The following DNM3 variants were observed in gnomAD, a reference collection of about 807,000 sequenced individuals.
DNM3 encodes the protein dynamin 3, also known as dynamin-3.
DNM3 carries 47 observed loss-of-function variants against 101.6 expected under a neutral mutation model. The observed-to-expected ratio is 0.46, with a 90% confidence interval of 0.37 to 0.59. DNM3 has a LOEUF of 0.59. DNM3 is among the 20% of genes least tolerant of loss of function. The pLI is 0.00. For missense variants in DNM3, 849 were observed against 1,085.7 expected, an observed-to-expected ratio of 0.78 and a Z score of 3.06; for synonymous variants, 385 against 387.9, an observed-to-expected ratio of 0.99 and a Z score of 0.09.
intron 17 of DNM3, among the ~76,000 whole-genome samples, chr1:172,360,996 A>T (rs1380465796): frequency 6.6e-6 from 1 of 152,028 alleles, no homozygotes; most frequent in Non-Finnish European, 1.5e-5. Context: ...ACAAATGGCT[A>T]CTAAGAAAAC....
intron 13 of DNM3, among the ~76,000 whole-genome samples, chr1:172,114,642 T>C (rs572526840): frequency 3.9e-5 from 6 of 152,280 alleles, no homozygotes; most frequent in South Asian, 2.1e-4. Flanking sequence ...TATTCTGGAG[T>C]AATGGTTACA....
intron 17 of DNM3, among the ~76,000 whole-genome samples, chr1:172,331,050 G>T (rs2066161466): frequency 6.6e-6 from 1 of 152,052 alleles, no homozygotes; most frequent in Admixed American, 6.6e-5. Context: ...ACTATATTAG[G>T]AGTCTCCAAA....
intron 1 of DNM3, 58 bp from the exon 2 acceptor site, chr1:171,921,690 A>T (rs377009983): frequency 1.4e-6 from 2 of 1,424,938 alleles, no homozygotes; most frequent in Non-Finnish European, 1.9e-6. Flanking sequence ...TTGGTTTATG[A>T]ATGTACAGGT....
At chr1:172,000,872 C>T (rs1042091408) in intron 4 of DNM3, among the ~76,000 whole-genome samples, 2 of 151,902 alleles carry the variant, frequency 1.3e-5, no homozygotes, top group African/African-American at 4.8e-5. Flanking sequence ...GAAACACTAA[C>T]AATAGTAGTG....
intron 17 of DNM3, among the ~76,000 whole-genome samples, chr1:172,363,476 C>T (rs1361022017): frequency 6.6e-6 from 1 of 152,024 alleles, no homozygotes; most frequent in Non-Finnish European, 1.5e-5. Flanking sequence ...CAATCTGTCA[C>T]AATTTTCCAA....
At chr1:172,020,094 G>T (rs906215116) in intron 4 of DNM3, among the ~76,000 whole-genome samples, 3 of 152,096 alleles carry the variant, frequency 2.0e-5, no homozygotes, top group Non-Finnish European at 2.9e-5. Flanking sequence ...TGGGTACAAG[G>T]CATTGTGGTT....
intron 14 of DNM3, among the ~76,000 whole-genome samples, chr1:172,171,101 T>C (rs1461122284): frequency 2.0e-5 from 3 of 151,744 alleles, no homozygotes; most frequent in Non-Finnish European, 4.4e-5. Context: ...TGATTAGTTT[T>C]GTGCCTCAAA....
chr1:171,894,836 T>G (rs940103043), intron 1 of DNM3, among the ~76,000 whole-genome samples: 3 of 152,048 alleles, frequency 2.0e-5, no homozygotes, highest in Admixed American at 1.3e-4. Flanking sequence ...GAACATGCAG[T>G]GTTTGGTTTT....
chr1:172,221,913 A>T (rs1368170709), intron 14 of DNM3, among the ~76,000 whole-genome samples: 1 of 152,148 alleles, frequency 6.6e-6, no homozygotes, highest in Non-Finnish European at 1.5e-5. Flanking sequence ...AAGACTTTGT[A>T]GGGTTTGTTC....
intron 15 of DNM3, among the ~76,000 whole-genome samples, chr1:172,288,397 C>T (rs1014184951): frequency 1.3e-5 from 2 of 152,124 alleles, no homozygotes; most frequent in Non-Finnish European, 2.9e-5. Context: ...ATAGCTGGAG[C>T]CTGATGGGCA....
chr1:171,949,786 A>T (rs75902162), intron 2 of DNM3, among the ~76,000 whole-genome samples: 2,925 of 152,272 alleles, frequency 0.019, 92 homozygotes, highest in African/African-American at 0.065. Flanking sequence ...CAAAGTGTTG[A>T]CTAGGATGCG....
chr1:171,884,590 A>C (rs1028585096), intron 1 of DNM3, among the ~76,000 whole-genome samples: 8 of 152,294 alleles, frequency 5.3e-5, no homozygotes, highest in African/African-American at 1.9e-4. Flanking sequence ...TGGAATCAGC[A>C]GGTTGGTCTG....
intron 1 of DNM3, chr1:171,864,783 T>C (rs1199965963): frequency 6.6e-6 from 1 of 152,206 alleles, no homozygotes; most frequent in Non-Finnish European, 1.5e-5. Flanking sequence ...TGTTTTATTA[T>C]TGATTTACAT....
intron 2 of DNM3, among the ~76,000 whole-genome samples, chr1:171,932,664 C>T (rs1027199270): frequency 2.6e-5 from 4 of 151,978 alleles, no homozygotes; most frequent in East Asian, 1.9e-4. Flanking sequence ...TCTTAAAAGC[C>T]GTTGCATTTT....
intron 2 of DNM3, among the ~76,000 whole-genome samples, chr1:171,953,698 G>A (rs2042677449): frequency 6.6e-6 from 1 of 151,894 alleles, no homozygotes; most frequent in African/African-American, 2.4e-5. Flanking sequence ...CAAAGTGCTG[G>A]GATTACAGGC....
chr1:172,060,084 C>T (rs36180993), intron 10 of DNM3, among the ~76,000 whole-genome samples: 51,784 of 150,670 alleles, frequency 0.34, 9,719 homozygotes, highest in East Asian at 0.68. Context: ...CATGAGTGAA[C>T]TCCCATTCAC....
intron 4 of DNM3, among the ~76,000 whole-genome samples, chr1:172,022,506 A>G (rs765121229): frequency 2.8e-4 from 43 of 152,106 alleles, no homozygotes; most frequent in African/African-American, 9.9e-4. Context: ...CTTTTCAGAT[A>G]TAAGGGAGTA....
intron 14 of DNM3, among the ~76,000 whole-genome samples, chr1:172,225,715 T>C (rs1212617135): frequency 1.3e-5 from 2 of 152,058 alleles, no homozygotes; most frequent in African/African-American, 4.8e-5. Context: ...GATTGTCCAC[T>C]GCACTTCAGC....
At chr1:172,338,663 C>A in intron 17 of DNM3, 1 of 322,572 alleles carries the variant, frequency 3.1e-6, no homozygotes, top group Non-Finnish European at 6.1e-6. Flanking sequence ...GGCACAGGAT[C>A]AGAGCAGCCA....
Sources: allele counts gnomAD v4.1 joint callset (sites outside exome capture counted in the v4.1 genomes callset), GRCh38; gene constraint gnomAD v4.1.1; transcripts MANE v1.5; gene names NCBI Gene and HGNC (gene_info 2026-07-23, HGNC 2026-07-21).